PRR5: variants seen among roughly 807,000 people sequenced by gnomAD.
PRR5 encodes the protein proline rich 5.
A neutral mutation model predicts 30.6 loss-of-function variants in PRR5; 25 were observed. The observed-to-expected ratio is 0.82, with a 90% confidence interval of 0.60 to 1.14. PRR5 has a LOEUF of 1.14. Ranked by LOEUF, PRR5 falls within the 50% of genes most tolerant of loss-of-function variation. PRR5 has a pLI of 0.00. For synonymous variants in PRR5, 286 were observed against 247.1 expected (o/e 1.16, Z -1.48); for missense variants, 600 against 547.1 (o/e 1.10, Z -0.96).
intron 2 of PRR5, among the ~76,000 whole-genome samples, chr22:44,723,001 T>G (rs1930171278): frequency 6.6e-6 from 1 of 151,870 alleles, no homozygotes. Context: ...TTTTTTTTTT[T>G]TTGAGACAGA....
At chr22:44,710,765 A>G (rs1928087067) in intron 1 of PRR5, among the ~76,000 whole-genome samples, 1 of 151,940 alleles carries the variant, frequency 6.6e-6, no homozygotes, top group Non-Finnish European at 1.5e-5. Flanking sequence ...GTCTTCTGTA[A>G]TCTGGGGGCT....
chr22:44,679,314 C>T (rs1924051152), intron 1 of PRR5: 1 of 152,512 alleles, frequency 6.6e-6, no homozygotes, highest in South Asian at 2.1e-4. Flanking sequence ...TTTGTTTCTT[C>T]TTCCATCCTT....
intron 1 of PRR5, among the ~76,000 whole-genome samples, chr22:44,692,687 G>T (rs928971754): frequency 6.6e-6 from 1 of 152,218 alleles, no homozygotes; most frequent in Non-Finnish European, 1.5e-5. Context: ...CTAAGAAAAG[G>T]CTGCCAGCCA....
upstream of PRR5, chr22:44,702,155 C>T (rs1926387156): frequency 4.7e-6 from 2 of 425,170 alleles, no homozygotes; most frequent in Admixed American, 6.2e-5. Context: ...CCGCCCCGCC[C>T]CCCGGGGCGC....
chr22:44,733,583 C>T (rs576162359), intron 6 of PRR5, among the ~76,000 whole-genome samples: 8 of 152,230 alleles, frequency 5.3e-5, no homozygotes, highest in East Asian at 1.9e-4. Context: ...TGGGTTGAAG[C>T]GGGGACCCTT....
chr22:44,732,720 C>T (rs1449450019), intron 6 of PRR5, among the ~76,000 whole-genome samples: 2 of 151,522 alleles, frequency 1.3e-5, no homozygotes, highest in African/African-American at 2.4e-5. Flanking sequence ...ATAGTATGCA[C>T]GTGCACATGC....
chr22:44,689,504 C>A (rs1414493981), intron 1 of PRR5, among the ~76,000 whole-genome samples: 2 of 152,224 alleles, frequency 1.3e-5, no homozygotes, highest in African/African-American at 4.8e-5. Context: ...CTCTAAGTAG[C>A]CTCCCTTTAG....
At chr22:44,731,054 G>A (rs115411665) in intron 4 of PRR5, 373 of 296,214 alleles carry the variant, frequency 1.3e-3, no homozygotes, top group African/African-American at 7.7e-3. Context: ...GGGAAGGAGG[G>A]AGGAGGTCGG....
intron 2 of PRR5, among the ~76,000 whole-genome samples, chr22:44,716,923 A>G (rs952674189): frequency 2.0e-5 from 3 of 152,094 alleles, no homozygotes; most frequent in Non-Finnish European, 4.4e-5. Flanking sequence ...TTAGCTGGGC[A>G]TGGTGGCAGG....
At chr22:44,697,907 C>A (rs1391433413), upstream of PRR5, among the ~76,000 whole-genome samples, 3 of 152,222 alleles carry the variant, frequency 2.0e-5, no homozygotes, top group African/African-American at 4.8e-5. Context: ...TATAGTACCC[C>A]TCCCTGGGCC....
At chr22:44,731,691 G>T (rs753321908) in intron 4 of PRR5, 39 bp from the exon 5 acceptor site, 1 of 1,605,080 alleles carries the variant, frequency 6.2e-7, no homozygotes, top group African/African-American at 1.3e-5. Context: ...ATCTGCCCGC[G>T]CCAGTCAGGC....
chr22:44,716,986 C>T (rs929781315), intron 2 of PRR5, among the ~76,000 whole-genome samples: 12 of 151,826 alleles, frequency 7.9e-5, no homozygotes, highest in South Asian at 2.1e-4. Flanking sequence ...CATGTGAGCC[C>T]GGAGGAGGAG....
Position 44,670,821 on chromosome 22 carries a change from A to G in PRR5, c.-11+2016A>G, listed in dbSNP as rs147532451. Among the ~76,000 whole-genome samples the G allele has an allele frequency of 1.8e-3, 273 of 152,228 alleles. 4 individuals carry two copies. The highest frequency in any genetic ancestry group is 6.3e-3 in the African/African-American group (262 of 41,556). ...CACGCCCAGTAAGTCAGGGGCGCAG[A>G]CACCAGGAGGGGTGGGTGACGAGAA... On this transcript the variant is annotated intron_variant, in intron 1 of 8. Coordinates refer to the PRR5 transcript ENST00000432186.
intron 1 of PRR5, among the ~76,000 whole-genome samples, chr22:44,706,701 T>G (rs1797595487): frequency 6.6e-6 from 1 of 151,836 alleles, no homozygotes. Flanking sequence ...TTTTTTTTTG[T>G]ATTTTTGGTG....
At chr22:44,680,928 T>G (rs537682141) in intron 1 of PRR5, among the ~76,000 whole-genome samples, 1 of 152,200 alleles carries the variant, frequency 6.6e-6, no homozygotes, top group South Asian at 2.1e-4. Flanking sequence ...CAGAGCAGGG[T>G]CGGACTACAA....
chr22:44,676,496 TCA>T (rs1027334137), upstream of PRR5, among the ~76,000 whole-genome samples: 1 of 147,270 alleles, frequency 6.8e-6, no homozygotes, highest in African/African-American at 2.5e-5. Flanking sequence ...CTCCCCACAG[TCA>T]CACAGCAGAA....
intron 1 of PRR5, among the ~76,000 whole-genome samples, chr22:44,707,659 G>A (rs1025514943): frequency 6.6e-6 from 1 of 152,216 alleles, no homozygotes; most frequent in Admixed American, 6.5e-5. Context: ...CAAGCCCTCT[G>A]AGCCAGTGCC....
chr22:44,674,775 T>C (rs1772067690), upstream of PRR5, among the ~76,000 whole-genome samples: 1 of 149,692 alleles, frequency 6.7e-6, no homozygotes, highest in South Asian at 2.1e-4. Flanking sequence ...TGAAACCTAG[T>C]CTCTACTAGA....
intron 1 of PRR5, among the ~76,000 whole-genome samples, chr22:44,693,795 A>ATTTTTTTTCTTTTTTTT (rs1925503335): frequency 1.3e-5 from 1 of 79,644 alleles, no homozygotes; most frequent in Admixed American, 1.8e-4. Context: ...ACACTCGGCT[A>ATTTTTTTTCTTTTTTTT]TTTTTTTTTT....
Sources: allele counts gnomAD v4.1 joint callset (sites outside exome capture counted in the v4.1 genomes callset), GRCh38; gene constraint gnomAD v4.1.1; transcripts MANE v1.5; gene names NCBI Gene and HGNC (gene_info 2026-07-23, HGNC 2026-07-21).